The following MRTFA variants were observed in gnomAD, a reference collection of about 807,000 sequenced individuals.
The protein encoded by MRTFA is myocardin-related transcription factor A.
Under a neutral mutation model 83.5 loss-of-function variants are expected in MRTFA, and 20 were observed. The observed-to-expected ratio is 0.24, with a 90% CI of 0.17 to 0.35. MRTFA has a LOEUF of 0.35. MRTFA is among the 10% of genes least tolerant of loss of function. The pLI is 1.00. For synonymous variants in MRTFA, 659 were observed against 541.2 expected (o/e 1.22, Z -3.02); for missense variants, 1,200 against 1,224.7 (o/e 0.98, Z 0.30).
At chr22:40,502,469 C>T (rs1448586847) in intron 3 of MRTFA, among the ~76,000 whole-genome samples, 2 of 139,086 alleles carry the variant, frequency 1.4e-5, no homozygotes, top group African/African-American at 5.4e-5. Flanking sequence ...GATGGGCGGC[C>T]GGGCAGAGAC....
At position 40,519,137 on chromosome 22, in the gene MRTFA, T is replaced by C. The variant is rs989572504; in HGVS notation, c.241+32969A>G. ...AGGGATGCTCCTGCATGATCTCTTT[T>C]AATAAAGTTAGTCTAATCTGTGCTT... On this transcript the variant is annotated intron_variant, in intron 3 of 14. Transcript: ENST00000355630. Among the ~76,000 whole-genome samples the C allele has an allele frequency of 2.6e-5, 4 of 152,006 alleles. No individual in the cohort carries two copies. The South Asian group carries it at 8.3e-4, about 32-fold the overall frequency.
intron 2 of MRTFA, among the ~76,000 whole-genome samples, chr22:40,584,876 T>G (rs1330763125): frequency 6.6e-6 from 1 of 151,824 alleles, no homozygotes; most frequent in Admixed American, 6.6e-5. Flanking sequence ...AAACCCCATC[T>G]CTACTAAAAA....
At chr22:40,590,512 C>G (rs139044857) in intron 2 of MRTFA, among the ~76,000 whole-genome samples, 1 of 150,642 alleles carries the variant, frequency 6.6e-6, no homozygotes, top group East Asian at 2.0e-4. Context: ...ACTAAAAATA[C>G]AAAAATTAGT....
chr22:40,417,198 T>C, intron 13 of MRTFA, 143 bp downstream of exon 13: 1 of 1,381,196 alleles, frequency 7.2e-7, no homozygotes, highest in Non-Finnish European at 9.9e-7. Context: ...GCCCGTCCCC[T>C]AACAACCCAC....
chr22:40,573,951 T>C (rs1453988010), intron 2 of MRTFA, among the ~76,000 whole-genome samples: 1 of 152,162 alleles, frequency 6.6e-6, no homozygotes, highest in African/African-American at 2.4e-5. Context: ...AATCTCACTA[T>C]GTTGCCCAGG....
chr22:40,608,537 C>T (rs1325488625), intron 1 of MRTFA, among the ~76,000 whole-genome samples: 1 of 152,142 alleles, frequency 6.6e-6, no homozygotes, highest in Non-Finnish European at 1.5e-5. Context: ...TCATTTAATC[C>T]CACCACAATC....
At chr22:40,487,359 C>T (rs981757102) in intron 3 of MRTFA, among the ~76,000 whole-genome samples, 3 of 152,194 alleles carry the variant, frequency 2.0e-5, no homozygotes, top group East Asian at 1.9e-4. Flanking sequence ...TACTTTCATA[C>T]GTATCTCATT....
At chr22:40,413,851 C>T (rs2052617561) in intron 14 of MRTFA, among the ~76,000 whole-genome samples, 1 of 152,198 alleles carries the variant, frequency 6.6e-6, no homozygotes. Flanking sequence ...TGTTCCACGT[C>T]ACTAAATGAC....
intron 2 of MRTFA, among the ~76,000 whole-genome samples, chr22:40,565,364 C>T (rs1166387440): frequency 1.3e-5 from 2 of 152,110 alleles, no homozygotes; most frequent in Non-Finnish European, 2.9e-5. Flanking sequence ...CTGGCCAATA[C>T]AGTGAAACTC....
intron 1 of MRTFA, among the ~76,000 whole-genome samples, chr22:40,599,088 G>A (rs1259746879): frequency 6.6e-6 from 1 of 151,366 alleles, no homozygotes; most frequent in Non-Finnish European, 1.5e-5. Flanking sequence ...ACCTGAGGTT[G>A]GGAGTTCGAG....
chr22:40,454,520 C>T (rs1160002417), intron 4 of MRTFA, among the ~76,000 whole-genome samples: 1 of 152,102 alleles, frequency 6.6e-6, no homozygotes, highest in Non-Finnish European at 1.5e-5. Flanking sequence ...ATGGTGGATC[C>T]AAGCTCCTCC....
chr22:40,599,095 C>T (rs1288835898), intron 1 of MRTFA, among the ~76,000 whole-genome samples: 1 of 151,074 alleles, frequency 6.6e-6, no homozygotes, highest in Non-Finnish European at 1.5e-5. Flanking sequence ...GTTGGGAGTT[C>T]GAGACTAGCC....
chr22:40,548,813 A>G (rs2055405271), intron 3 of MRTFA, among the ~76,000 whole-genome samples: 1 of 151,894 alleles, frequency 6.6e-6, no homozygotes, highest in African/African-American at 2.4e-5. Flanking sequence ...GCAGTGAGTC[A>G]AGATCGCGCC....
intron 1 of MRTFA, among the ~76,000 whole-genome samples, chr22:40,616,561 G>A (rs1194908824): frequency 1.3e-5 from 2 of 152,184 alleles, no homozygotes; most frequent in African/African-American, 2.4e-5. Context: ...TTTATGGAGT[G>A]ATTATCAACA....
chr22:40,499,117 C>T (rs1157246273), intron 3 of MRTFA, among the ~76,000 whole-genome samples: 3 of 152,188 alleles, frequency 2.0e-5, no homozygotes, highest in Admixed American at 1.3e-4. Context: ...ATCTGTTTAA[C>T]ATTTCTAAAT....
At position 40,544,406 on chromosome 22, in the gene MRTFA, T is replaced by C. The variant is rs182339416; in HGVS notation, c.241+7700A>G. On this transcript the variant is annotated intron_variant, in intron 3 of 14. Transcript: ENST00000355630. ...TGAGCCACCATGCCCAGCTCATTTT[T>C]TTGAGAGAGGGGGTCTTGCTATGTT... 2.0e-5 allele frequency among the ~76,000 whole-genome samples: 3 copies of C among 152,184 alleles called. No homozygotes were observed. In the East Asian group the frequency reaches 5.8e-4, roughly 29 times the overall value.
intron 1 of MRTFA, among the ~76,000 whole-genome samples, chr22:40,621,057 T>C (rs2056517060): frequency 6.6e-6 from 1 of 151,908 alleles, no homozygotes; most frequent in Non-Finnish European, 1.5e-5. Context: ...GGTGCATGCC[T>C]GTAGCCCCAG....
intron 2 of MRTFA, among the ~76,000 whole-genome samples, chr22:40,580,601 G>A (rs1479069769): frequency 6.6e-6 from 1 of 152,186 alleles, no homozygotes. Context: ...ATTTGCGTCA[G>A]ATTTTAAGAA....
chr22:40,629,338 T>C (rs1300249974), intron 1 of MRTFA, among the ~76,000 whole-genome samples: 2 of 151,596 alleles, frequency 1.3e-5, no homozygotes, highest in Non-Finnish European at 2.9e-5. Context: ...CCCAGCTACC[T>C]GGGAGGCTGA....
Sources: allele counts gnomAD v4.1 joint callset (sites outside exome capture counted in the v4.1 genomes callset), GRCh38; gene constraint gnomAD v4.1.1; transcripts MANE v1.5; gene names NCBI Gene and HGNC (gene_info 2026-07-23, HGNC 2026-07-21).